PAQR6: variants seen among roughly 807,000 people sequenced by gnomAD.
The protein encoded by PAQR6 is membrane progestin receptor delta.
Under a neutral mutation model 36.2 loss-of-function variants are expected in PAQR6, and 34 were observed. That is an observed-to-expected ratio of 0.94 (90% CI 0.71 to 1.25). The LOEUF (loss-of-function observed/expected upper bound fraction) is 1.25, where lower values mean the gene tolerates loss of function less well. Among genes scored for constraint, PAQR6 ranks in the 50% most tolerant of loss-of-function variants. The pLI, the probability that PAQR6 is intolerant of heterozygous loss-of-function variation, is 0.00. For synonymous variants in PAQR6, 190 were observed against 190.7 expected, an observed-to-expected ratio of 1.00 and a Z score of 0.03; for missense variants, 431 against 445.7, an observed-to-expected ratio of 0.97 and a Z score of 0.30.
At position 156,246,689 on chromosome 1, in the gene PAQR6, C is replaced by A. The variant is rs1319011279; in HGVS notation, c.43G>T (p.Val15Phe). The part of the protein sequence containing the change: ...KLPQLLQVHQ[V>F]PRVFWEDGIM... ...TGGGTGGAGCCCCTCACCCGGGGGACCTGGTGGACTTGAAGAAGTTGGGGC... is the reference window on the plus strand; with the variant it reads ...TGGGTGGAGCCCCTCACCCGGGGGAACTGGTGGACTTGAAGAAGTTGGGGC... The change falls in exon 2 of 8, where the codon GTC becomes TTC. Residue 15 changes from valine to phenylalanine, a missense_variant. By Grantham distance (50) the Val-to-Phe change is conservative (BLOSUM62 -1). Coordinates refer to ENST00000292291, the MANE Select transcript of PAQR6 (RefSeq NM_198406.3). 3 of 1,613,584 alleles carry A rather than the reference C, an allele frequency of 1.9e-6. No homozygotes were observed. Among genetic ancestry groups the A allele is most frequent in the Non-Finnish European group, 2.5e-6 (3 of 1,179,868 alleles).
chr1:156,248,003 G>A lies in PAQR6; in HGVS notation c.-72C>T, dbSNP rs759858535. The stretch of plus-strand genomic sequence containing the variant: ...TAAGCTGGTGGGTCAACAGGCCCAG[G>A]GCTCCACGGGCGGAGTCCAAGGCTG... On this transcript the variant is annotated 5_prime_UTR_variant, in exon 1 of 8. Transcript: ENST00000292291. 3 of 464,208 alleles carry A rather than the reference G, an allele frequency of 6.5e-6. No individual in the cohort carries two copies. The highest frequency in any genetic ancestry group is 3.2e-5 in the South Asian group (2 of 62,734). 28.8% of individuals were successfully genotyped at this position (464,208 alleles called of 1,614,324 possible). A position where few individuals can be genotyped will look rare whatever the true frequency, so the allele number is the denominator to read the frequency against.
Position 156,246,144 on chromosome 1 carries a change from C to T in PAQR6, c.158G>A (p.Trp53Ter). The change falls in exon 3 of 8, where the codon TGG becomes TAG. Residue 53 changes from tryptophan (W) to a stop codon, truncating the protein, a stop_gained. Coordinates refer to ENST00000292291, the MANE Select transcript of PAQR6 (RefSeq NM_198406.3). LOFTEE classifies it high-confidence loss of function. ...FQMTNETVNI[W>*]THFLPTWYFL... Reference sequence around the variant, plus strand: ...TCACCAGGTGGGCAGGAAGTGAGTCCAGATGTTGACCGTCTCGTTGGTCAT... The same window carrying T: ...TCACCAGGTGGGCAGGAAGTGAGTCTAGATGTTGACCGTCTCGTTGGTCAT... The T allele has an allele frequency of 6.2e-7, 1 of 1,612,956 alleles. No individual in the cohort carries two copies. The highest frequency in any genetic ancestry group is 8.5e-7 in the Non-Finnish European group (1 of 1,179,974).
chr1:156,243,723 A>C lies in PAQR6; in HGVS notation c.*406T>G. The C allele has an allele frequency of 9.0e-7, 1 of 1,114,838 alleles. No individual in the cohort carries two copies. Among genetic ancestry groups the C allele is most frequent in the Admixed American group, 2.3e-5 (1 of 42,680 alleles). The allele number at this position is 1,114,838 out of a possible 1,614,324, so 69.1% of individuals were successfully genotyped here. On this transcript the variant is annotated 3_prime_UTR_variant, in exon 8 of 8. Transcript: ENST00000292291. Reference sequence around the variant, plus strand: ...CCTCTCGGCCTGGTTAGCAAGAAGCATTCAGGGTAGGCCTAGGTTAGTCGT... The same window carrying C: ...CCTCTCGGCCTGGTTAGCAAGAAGCCTTCAGGGTAGGCCTAGGTTAGTCGT...
At chr1:156,246,780 GGATCA>G in intron 1 of PAQR6, 24 bp from the exon 2 acceptor site, 1 of 1,591,312 alleles carries the variant, frequency 6.3e-7, no homozygotes, top group Non-Finnish European at 8.6e-7. Flanking sequence ...GGGAGGTAGG[GGATCA>G]GATAACTGCC....
Position 156,245,837 on chromosome 1 carries a change from G to A in PAQR6, c.330C>T (p.Arg110=), listed in dbSNP as rs778486425. The A allele has an allele frequency of 6.2e-7, 1 of 1,606,996 alleles. No individual in the cohort carries two copies. Among genetic ancestry groups the A allele is most frequent in the Non-Finnish European group, 8.5e-7 (1 of 1,177,286 alleles). ...CAHTFSSMSP[R]MRHICYFLDY... ...CGAGGAAGTAGCAGATGTGGCGCAT[G>A]CGGGGCGACATGGAGCTGAAGGTGT... The change falls in exon 4 of 8, where the codon CGC becomes CGT. Residue 110 remains arginine (R), a synonymous_variant. Coordinates refer to ENST00000292291, the MANE Select transcript of PAQR6 (RefSeq NM_198406.3).
At chr1:156,247,294 A>G (rs1233594219) in intron 1 of PAQR6, among the ~76,000 whole-genome samples, 4 of 152,144 alleles carry the variant, frequency 2.6e-5, no homozygotes, top group African/African-American at 9.6e-5. Context: ...CCCCCAGGAG[A>G]ATTTTGGGGT....
chr1:156,244,180 A>G lies in PAQR6; in HGVS notation c.984T>C (p.Pro328=), dbSNP rs1659807730. 1 of 1,609,640 alleles carries G rather than the reference A, an allele frequency of 6.2e-7. No homozygotes were observed. The highest frequency in any genetic ancestry group is 8.5e-7 in the Non-Finnish European group (1 of 1,176,596). The change falls in exon 8 of 8, where the codon CCT becomes CCC. Residue 328 remains proline (P), a synonymous_variant. Coordinates refer to ENST00000292291, the MANE Select transcript of PAQR6 (RefSeq NM_198406.3). ...ATLLRAPSTC[P]LLQGGPLEGG... ...CCTCCAGTGGGCCACCCTGCAGCAGAGGGCATGTACTGGGGGCCCGAAGCA... is the reference window on the plus strand; with the variant it reads ...CCTCCAGTGGGCCACCCTGCAGCAGGGGGCATGTACTGGGGGCCCGAAGCA...
rs768827092 is a variant in PAQR6 at position 156,245,623 on chromosome 1, A to T, written c.424T>A (p.Ser142Thr). The T allele has an allele frequency of 2.1e-5, 34 of 1,613,138 alleles. No individual in the cohort carries two copies. Among genetic ancestry groups the T allele is most frequent in the Admixed American group, 1.3e-4 (8 of 59,984 alleles). Residue 142 changes from serine (S) to threonine (T), a missense_variant, in exon 5 of 8, where the codon TCC becomes ACC. Transcript: ENST00000292291. Reference sequence around the variant, plus strand: ...TGGTGCAGGTGGCCGTGCAGCCAGGAGGCCGGCATGGAGTAGGCGGCATAG... The same window carrying T: ...TGGTGCAGGTGGCCGTGCAGCCAGGTGGCCGGCATGGAGTAGGCGGCATAG... Reference protein sequence around the residue: ...FPYAAYSMPASWLHGHLHQFF... With the variant: ...FPYAAYSMPATWLHGHLHQFF...
At chr1:156,247,068 C>T (rs1043186047) in intron 1 of PAQR6, among the ~76,000 whole-genome samples, 1 of 152,186 alleles carries the variant, frequency 6.6e-6, no homozygotes, top group African/African-American at 2.4e-5. Flanking sequence ...CCCGCAGGCC[C>T]CAGTTTTTGT....
chr1:156,245,011 A>G, intron 6 of PAQR6, 100 bp from the exon 7 acceptor site: 3 of 1,595,744 alleles, frequency 1.9e-6, no homozygotes, highest in Non-Finnish European at 2.6e-6. Context: ...GGGCACAGCT[A>G]GGCGGGGTGC....
At chr1:156,246,922 C>T (rs1388243263) in intron 1 of PAQR6, among the ~76,000 whole-genome samples, 166 bp from the exon 2 acceptor site, 1 of 152,136 alleles carries the variant, frequency 6.6e-6, no homozygotes, top group South Asian at 2.1e-4. Flanking sequence ...CCTTCCCCAG[C>T]CCTTGCACCA....
At chr1:156,247,344 C>T (rs575665964) in intron 1 of PAQR6, among the ~76,000 whole-genome samples, 8 of 152,350 alleles carry the variant, frequency 5.3e-5, no homozygotes, top group Non-Finnish European at 5.9e-5. Flanking sequence ...CAGCCCCAGA[C>T]CTGTGCACTG....
Position 156,243,423 on chromosome 1 carries a change from A to AAAGT in PAQR6, c.*702_*705dup. The AAAGT allele has an allele frequency of 1.9e-6, 1 of 539,456 alleles. No homozygotes were observed. The highest frequency in any genetic ancestry group is 3.1e-6 in the Non-Finnish European group (1 of 318,832). 33.4% of individuals were successfully genotyped at this position (539,456 alleles called of 1,614,324 possible). The stretch of plus-strand genomic sequence containing the variant: ...TCTTCAGTTCTAGAAAGTGCTTTCC[A>AAAGT]AAGTTTTATTTTTTTATTTGTACCT... On this transcript the variant is annotated 3_prime_UTR_variant, in exon 8 of 8. Coordinates refer to ENST00000292291, the MANE Select transcript of PAQR6 (RefSeq NM_198406.3).
rs1406729386 is a variant in PAQR6, at chr1:156,247,950, T to C, written c.-26+7A>G. 2.2e-6 allele frequency: 1 copy of C among 457,186 alleles called. No individual in the cohort carries two copies. 28.3% of individuals were successfully genotyped at this position (457,186 alleles called of 1,614,324 possible). On this transcript the variant is annotated splice_region_variant and intron_variant, in intron 1 of 7. Coordinates refer to ENST00000292291, the MANE Select transcript of PAQR6 (RefSeq NM_198406.3). Reference sequence around the variant, plus strand: ...CCAGAAGAGCCCCAGAAGGTGAGCTTCCTTACCCAGAGCTTGGTGGGTGCT... The same window carrying C: ...CCAGAAGAGCCCCAGAAGGTGAGCTCCCTTACCCAGAGCTTGGTGGGTGCT...
intron 6 of PAQR6, 23 bp downstream of exon 6, chr1:156,245,119 G>C (rs763206647): frequency 1.2e-6 from 2 of 1,609,394 alleles, no homozygotes; most frequent in African/African-American, 1.3e-5. Context: ...AGGAGTCTGG[G>C]CAGGGGCCCT....
chr1:156,244,693 G>A, intron 7 of PAQR6, 68 bp downstream of exon 7: 1 of 1,612,548 alleles, frequency 6.2e-7, no homozygotes, highest in South Asian at 1.1e-5. Flanking sequence ...CATTTACCCA[G>A]TTCATTCTGT....
chr1:156,245,077 A>G, intron 6 of PAQR6, 65 bp downstream of exon 6: 5 of 1,603,296 alleles, frequency 3.1e-6, no homozygotes, highest in Non-Finnish European at 4.3e-6. Flanking sequence ...CAGGGCTGGA[A>G]GTGGGCACCT....
chr1:156,246,999 C>T (rs1404519787), intron 1 of PAQR6, among the ~76,000 whole-genome samples: 1 of 152,188 alleles, frequency 6.6e-6, no homozygotes, highest in Non-Finnish European at 1.5e-5. Flanking sequence ...GCGGCCTCAG[C>T]CCAGCAAAGA....
In PAQR6 at chr1:156,244,127, C is replaced by A. The variant is rs138350007; in HGVS notation, c.*2G>T. On this transcript the variant is annotated 3_prime_UTR_variant, in exon 8 of 8. Transcript: ENST00000292291. The stretch of plus-strand genomic sequence containing the variant: ...CTCCAGGACAGGGTCAGGGATGGGG[C>A]CTCACTGTTGTTTGGCCTGGGTACC... The A allele has an allele frequency of 3.9e-5, 62 of 1,604,338 alleles. No homozygotes were observed. The African/African-American group carries it at 7.6e-4, about 20-fold the overall frequency.
Sources: allele counts gnomAD v4.1 joint callset (sites outside exome capture counted in the v4.1 genomes callset), GRCh38; gene constraint gnomAD v4.1.1; transcripts MANE v1.5; gene names NCBI Gene and HGNC (gene_info 2026-07-23, HGNC 2026-07-21).